The following RIC3 variants were observed in gnomAD, a reference collection of about 807,000 sequenced individuals.
The protein encoded by RIC3 is RIC3 acetylcholine receptor chaperone.
RIC3 carries 28 observed loss-of-function variants against 27.3 expected under a neutral mutation model. That is an observed-to-expected ratio of 1.02 (90% CI 0.76 to 1.41). The LOEUF is 1.41. RIC3 is among the 40% of genes most tolerant of loss of function. The probability of loss-of-function intolerance (pLI) is 0.00; values close to 1 mark genes in which losing one functional copy is unlikely to be tolerated. For missense variants in RIC3, 501 were observed against 444.7 expected (o/e 1.13, Z -1.14); for synonymous variants, 184 against 160.4 (o/e 1.15, Z -1.11).
the RIC3 span, among the ~76,000 whole-genome samples, chr11:8,100,085 A>G: frequency 6.6e-5 from 10 of 152,306 alleles, no homozygotes; most frequent in East Asian, 1.4e-3. Flanking sequence ...AGGAGGGCCA[A>G]CAACAGAAAC....
intron 5 of RIC3, among the ~76,000 whole-genome samples, chr11:8,114,969 G>C (rs1945685890): frequency 6.6e-6 from 1 of 152,072 alleles, no homozygotes; most frequent in African/African-American, 2.4e-5. Flanking sequence ...CAAGCTTATG[G>C]GATTTATGGG....
In RIC3 at chr11:8,110,995, T is replaced by G. The variant is rs746126371; in HGVS notation, c.813A>C (p.Glu271Asp). 1 of 1,614,234 alleles carries G rather than the reference T, an allele frequency of 6.2e-7. No individual in the cohort carries two copies. The highest frequency in any genetic ancestry group is 8.5e-7 in the Non-Finnish European group (1 of 1,180,026). ...TTTCCCAACCCAAATGATCTGATTC[T>G]TCCTCTTCTATCATTCCCATTCTTT... ...IAERMGMIEE[E>D]ESDHLGWESL... The change falls in exon 6 of 6, where the codon GAA becomes GAC. Residue 271 changes from glutamate to aspartate, a missense_variant. By Grantham distance (45) the Glu-to-Asp change is conservative (BLOSUM62 2). Transcript: ENST00000309737.
intron 1 of RIC3, among the ~76,000 whole-genome samples, chr11:8,155,348 G>A (rs1950574149): frequency 6.6e-6 from 1 of 152,122 alleles, no homozygotes. Flanking sequence ...GGCCAAGGCG[G>A]GCAGATCACC....
chr11:8,150,337 T>A (rs1232002550), intron 1 of RIC3, among the ~76,000 whole-genome samples: 1 of 152,218 alleles, frequency 6.6e-6, no homozygotes, highest in Non-Finnish European at 1.5e-5. Flanking sequence ...ATGTAATCAG[T>A]GCCATTTAAC....
At chr11:8,135,497 T>A (rs1171178611) in intron 4 of RIC3, 1 of 152,212 alleles carries the variant, frequency 6.6e-6, no homozygotes, top group South Asian at 2.1e-4. Context: ...AACTTTAAAG[T>A]AGTTTTTTCC....
chr11:8,125,155 G>A (rs768706887), intron 5 of RIC3, among the ~76,000 whole-genome samples: 4 of 151,856 alleles, frequency 2.6e-5, no homozygotes, highest in Non-Finnish European at 5.9e-5. Flanking sequence ...TAGGGAGGCT[G>A]AGGCAGGAGG....
downstream of RIC3, chr11:8,102,913 TG>T (rs60850377): frequency 0.97 from 148,337 of 152,276 alleles, 72,355 homozygotes; most frequent in East Asian, 1. Context: ...TCTGGCCTCC[TG>T]GGGGCCCATT....
chr11:8,114,368 G>C (rs574657637), intron 5 of RIC3, among the ~76,000 whole-genome samples: 2 of 152,052 alleles, frequency 1.3e-5, no homozygotes, highest in Non-Finnish European at 2.9e-5. Flanking sequence ...ACTTTAGGAG[G>C]CCAAGACAAA....
chr11:8,166,508 T>C (rs1951708095), intron 1 of RIC3, among the ~76,000 whole-genome samples: 1 of 152,244 alleles, frequency 6.6e-6, no homozygotes, highest in African/African-American at 2.4e-5. Flanking sequence ...TTCTGGGTTC[T>C]GAGAATTCTC....
intron 4 of RIC3, chr11:8,135,821 C>G (rs760720532): frequency 2.0e-5 from 3 of 152,048 alleles, no homozygotes; most frequent in Non-Finnish European, 1.5e-5. Flanking sequence ...CTGGGTAGTT[C>G]TCCACCCAGA....
chr11:8,159,749 G>A (rs1951005719), intron 1 of RIC3, among the ~76,000 whole-genome samples: 1 of 152,138 alleles, frequency 6.6e-6, no homozygotes, highest in Non-Finnish European at 1.5e-5. Flanking sequence ...CCAGCACTCT[G>A]GGAGGCCAAG....
chr11:8,104,115 T>C (rs749929144), downstream of RIC3: 1 of 152,292 alleles, frequency 6.6e-6, no homozygotes, highest in Non-Finnish European at 1.5e-5. Context: ...CTCGTAAAGC[T>C]GCTAGGGCCC....
At chr11:8,149,216 T>A (rs1950007322) in intron 1 of RIC3, among the ~76,000 whole-genome samples, 1 of 148,362 alleles carries the variant, frequency 6.7e-6, no homozygotes, top group South Asian at 2.1e-4. Flanking sequence ...ATAAATAATA[T>A]AATAAAAAAT....
the RIC3 span, chr11:8,096,716 TGAG>T: frequency 3.1e-6 from 5 of 1,613,252 alleles, no homozygotes; most frequent in East Asian, 8.9e-5. Flanking sequence ...TTGACGAGGA[TGAG>T]GAGGATGAGG....
intron 5 of RIC3, among the ~76,000 whole-genome samples, chr11:8,118,041 T>C (rs1590097433): frequency 6.6e-6 from 1 of 151,172 alleles, no homozygotes; most frequent in African/African-American, 2.4e-5. Flanking sequence ...GCTAACACGG[T>C]GAAACCCCAT....
intron 1 of RIC3, among the ~76,000 whole-genome samples, chr11:8,162,182 G>C (rs1209448277): frequency 6.6e-6 from 1 of 152,226 alleles, no homozygotes; most frequent in African/African-American, 2.4e-5. Flanking sequence ...ATAAGAGCTA[G>C]AGCCCCAGTG....
intron 1 of RIC3, among the ~76,000 whole-genome samples, chr11:8,165,979 G>A (rs1296139588): frequency 6.6e-6 from 1 of 151,910 alleles, no homozygotes. Flanking sequence ...GTAGAGATGG[G>A]GGTCTTGTTA....
chr11:8,153,999 C>T (rs1950461428), intron 1 of RIC3, among the ~76,000 whole-genome samples: 1 of 152,160 alleles, frequency 6.6e-6, no homozygotes, highest in Non-Finnish European at 1.5e-5. Context: ...GCAACCTCAC[C>T]TCTTGGATCT....
At chr11:8,101,786 T>A, downstream of RIC3, 45 of 1,193,152 alleles carry the variant, frequency 3.8e-5, no homozygotes, top group Non-Finnish European at 4.7e-5. Context: ...CCTTTGCCTC[T>A]GCTACTGAGG....
Sources: allele counts gnomAD v4.1 joint callset (sites outside exome capture counted in the v4.1 genomes callset), GRCh38; gene constraint gnomAD v4.1.1; transcripts MANE v1.5; gene names NCBI Gene and HGNC (gene_info 2026-07-23, HGNC 2026-07-21).